MEIS2: variants seen among roughly 807,000 people sequenced by gnomAD.
MEIS2 encodes the protein homeobox protein Meis2.
Under a neutral mutation model 58.6 loss-of-function variants are expected in MEIS2, and 9 were observed. The ratio of observed to expected loss-of-function variants is 0.15; its 90% confidence interval spans 0.09 to 0.27. The LOEUF (loss-of-function observed/expected upper bound fraction) is 0.27. MEIS2 is among the 10% of genes least tolerant of loss of function. MEIS2 has a pLI of 1.00. For missense variants in MEIS2, 427 were observed against 635.0 expected, an observed-to-expected ratio of 0.67 and a Z score of 3.52; for synonymous variants, 221 against 228.4, an observed-to-expected ratio of 0.97 and a Z score of 0.29.
At chr15:37,016,064 AC>A (rs758792746) in intron 8 of MEIS2, among the ~76,000 whole-genome samples, 62 of 152,064 alleles carry the variant, frequency 4.1e-4, no homozygotes, top group Non-Finnish European at 7.5e-4. Context: ...CCAGGAAAAA[AC>A]AAATTTTGAT....
intron 7 of MEIS2, among the ~76,000 whole-genome samples, chr15:37,048,631 C>A (rs1025101300): frequency 1.3e-5 from 2 of 151,752 alleles, no homozygotes; most frequent in African/African-American, 2.4e-5. Context: ...AAAATGAAAA[C>A]AAAAGAATAT....
chr15:36,904,804 A>G (rs773827753), intron 9 of MEIS2, among the ~76,000 whole-genome samples: 7 of 152,186 alleles, frequency 4.6e-5, no homozygotes, highest in Non-Finnish European at 8.8e-5. Context: ...TATTGACATG[A>G]CTTTCCCCGA....
At chr15:36,953,568 T>G (rs1567099946) in intron 8 of MEIS2, among the ~76,000 whole-genome samples, 1 of 152,128 alleles carries the variant, frequency 6.6e-6, no homozygotes, top group Non-Finnish European at 1.5e-5. Flanking sequence ...CTGATAGCAA[T>G]GATTAGGATT....
chr15:36,920,900 T>C (rs1184339897), intron 9 of MEIS2, among the ~76,000 whole-genome samples: 1 of 152,188 alleles, frequency 6.6e-6, no homozygotes, highest in African/African-American at 2.4e-5. Flanking sequence ...GAAGCTGAAA[T>C]TTAACCAGCG....
chr15:37,083,820 G>T lies in MEIS2; in HGVS notation c.705C>A (p.Pro235=). ...TCTGGGAAGCATGGCCCCCACTGGA[G>T]GGCCCTGGGGTGCCTGCTGAGTGGG... ...TSTHSAGTPG[P]SSGGHASQSG... Residue 235 remains proline (P), a synonymous_variant, in exon 7 of 12, where the codon CCC becomes CCA. Transcript: ENST00000561208. 6.2e-7 allele frequency: 1 copy of T among 1,614,024 alleles called. No individual in the cohort carries two copies. The highest frequency in any genetic ancestry group is 8.5e-7 in the Non-Finnish European group (1 of 1,179,952).
rs559572696 is a variant in MEIS2 at position 37,021,317 on chromosome 15, C to T, written c.900+15497G>A. ...CCAGCCACTTTTCTCATGAAGCTCA[C>T]AGCATTTGCTTTCTTTCCTCTTCAC... On this transcript the variant is annotated intron_variant, in intron 8 of 11. Coordinates refer to ENST00000561208, the MANE Select transcript of MEIS2 (RefSeq NM_170675.5). Among the ~76,000 whole-genome samples, 5 of 152,200 alleles carry T rather than the reference C, an allele frequency of 3.3e-5. No individual in the cohort carries two copies. The South Asian group carries it at 1.0e-3, about 31-fold the overall frequency.
intron 8 of MEIS2, among the ~76,000 whole-genome samples, chr15:37,006,362 A>G (rs1347009388): frequency 6.6e-6 from 1 of 152,230 alleles, no homozygotes; most frequent in Non-Finnish European, 1.5e-5. Context: ...TCGTAACCAT[A>G]TAAATTAATT....
intron 9 of MEIS2, among the ~76,000 whole-genome samples, chr15:36,919,902 A>G (rs1209725239): frequency 6.6e-6 from 1 of 152,190 alleles, no homozygotes; most frequent in East Asian, 1.9e-4. Context: ...TAAACACAAT[A>G]GGTGGATCTT....
intron 7 of MEIS2, among the ~76,000 whole-genome samples, chr15:37,043,268 GGAGGAACAA>G (rs1215355675): frequency 6.6e-6 from 1 of 152,114 alleles, no homozygotes; most frequent in African/African-American, 2.4e-5. Context: ...TAGCTCATCT[GGAGGAACAA>G]GACTTTTTTT....
intron 7 of MEIS2, among the ~76,000 whole-genome samples, chr15:37,047,594 C>T (rs936024508): frequency 3.3e-5 from 5 of 152,072 alleles, no homozygotes; most frequent in African/African-American, 1.2e-4. Flanking sequence ...AATAAAGACC[C>T]TAAAAGAGAA....
In MEIS2 at chr15:36,978,345, C is replaced by T. The variant is rs192307749; in HGVS notation, c.901-27945G>A. Among the ~76,000 whole-genome samples the T allele has an allele frequency of 3.3e-5, 5 of 152,296 alleles. No homozygotes were observed. The East Asian group carries it at 5.8e-4, about 18-fold the overall frequency. ...TGCAGAATCTGAGATGTTAAATGAC[C>T]TGCCTGAGGTAACACTGTCAGTAGT... On this transcript the variant is annotated intron_variant, in intron 8 of 11. Coordinates refer to ENST00000561208, the MANE Select transcript of MEIS2 (RefSeq NM_170675.5).
intron 11 of MEIS2, 75 bp downstream of exon 11, chr15:36,895,076 G>T: frequency 1.6e-6 from 2 of 1,250,266 alleles, no homozygotes; most frequent in Non-Finnish European, 1.2e-6. Flanking sequence ...CAGTGGGATA[G>T]TAGAGTGGAT....
intron 7 of MEIS2, among the ~76,000 whole-genome samples, chr15:37,080,267 C>G (rs1049330766): frequency 1.3e-5 from 2 of 152,014 alleles, no homozygotes; most frequent in African/African-American, 2.4e-5. Flanking sequence ...AAACTTGGCA[C>G]GAAATACTTA....
chr15:37,026,523 G>C (rs1212190175), intron 8 of MEIS2, among the ~76,000 whole-genome samples: 4 of 152,292 alleles, frequency 2.6e-5, no homozygotes, highest in Admixed American at 6.5e-5. Context: ...TGTGATAACA[G>C]AGGTATTTAA....
intron 8 of MEIS2, among the ~76,000 whole-genome samples, chr15:36,963,673 T>A (rs2059264953): frequency 6.6e-6 from 1 of 152,172 alleles, no homozygotes; most frequent in Non-Finnish European, 1.5e-5. Flanking sequence ...AATAAACCTA[T>A]CTTCATTTTA....
At chr15:37,020,750 G>A (rs1459974275) in intron 8 of MEIS2, among the ~76,000 whole-genome samples, 1 of 149,354 alleles carries the variant, frequency 6.7e-6, no homozygotes, top group East Asian at 1.9e-4. Context: ...GCTGTGTTAT[G>A]GGGGAAAAAA....
chr15:36,943,895 T>G (rs1250808529), intron 9 of MEIS2, among the ~76,000 whole-genome samples: 2 of 152,016 alleles, frequency 1.3e-5, no homozygotes, highest in African/African-American at 4.8e-5. Context: ...TTACCACTTT[T>G]AAAAGGCTCT....
chr15:36,976,366 G>A lies in MEIS2; in HGVS notation c.901-25966C>T, dbSNP rs531400754. ...CCCAAAGTGCTGGGATTACAGGCGT[G>A]AGCCACCGCGCCTGGCCTATAAAGA... On this transcript the variant is annotated intron_variant, in intron 8 of 11. Coordinates refer to ENST00000561208, the MANE Select transcript of MEIS2 (RefSeq NM_170675.5). 7.2e-5 allele frequency among the ~76,000 whole-genome samples: 11 copies of A among 152,102 alleles called. No homozygotes were observed. In the South Asian group the frequency reaches 1.5e-3, roughly 20 times the overall value.
chr15:36,970,309 C>T (rs2141461626), intron 8 of MEIS2, among the ~76,000 whole-genome samples: 1 of 151,554 alleles, frequency 6.6e-6, no homozygotes, highest in South Asian at 2.1e-4. Flanking sequence ...GAGGCTGAGG[C>T]AGGAGAATGG....
Sources: allele counts gnomAD v4.1 joint callset (sites outside exome capture counted in the v4.1 genomes callset), GRCh38; gene constraint gnomAD v4.1.1; transcripts MANE v1.5; gene names NCBI Gene and HGNC (gene_info 2026-07-23, HGNC 2026-07-21).